The following TBX4 variants were observed in gnomAD, a reference collection of about 807,000 sequenced individuals.
TBX4 encodes the protein T-box transcription factor 4.
TBX4 carries 13 observed loss-of-function variants against 54.6 expected under a neutral mutation model. The observed-to-expected ratio is 0.24, with a 90% CI of 0.15 to 0.38. The LOEUF (loss-of-function observed/expected upper bound fraction) is 0.38, where lower values mean the gene tolerates loss of function less well. Among genes scored for constraint, TBX4 ranks in the 10% least tolerant of loss-of-function variants. TBX4 has a pLI of 1.00. For synonymous variants in TBX4, 314 were observed against 306.7 expected (o/e 1.02, Z -0.25); for missense variants, 631 against 728.5 (o/e 0.87, Z 1.54).
At position 61,483,613 on chromosome 17, in the gene TBX4, A is replaced by AGAGT. The variant is rs1555883969; in HGVS notation, c.*98_*99insAGTG. On this transcript the variant is annotated 3_prime_UTR_variant, in exon 9 of 9. Transcript: ENST00000644296. This position sits in a 1 kb window ranked among gnomAD's most constrained non-coding sequence, Gnocchi z 6.6. Reference sequence around the variant, plus strand: ...ACCAAGAAACACAGGAAGGTATTCCAGTGTGTGTGTGTGTGTGTGTGTGTG... The same window carrying AGAGT: ...ACCAAGAAACACAGGAAGGTATTCCAGAGTGTGTGTGTGTGTGTGTGTGTGTGTG... 1.3e-5 allele frequency: 10 copies of AGAGT among 782,774 alleles called. No individual in the cohort carries two copies. Among genetic ancestry groups the AGAGT allele is most frequent in the African/African-American group, 5.9e-5 (3 of 50,860 alleles). The allele number at this position is 782,774 out of a possible 1,614,324, so 48.5% of individuals were successfully genotyped here. A position where few individuals can be genotyped will look rare whatever the true frequency, so the allele number is the denominator to read the frequency against.
chr17:61,456,481 C>T lies in TBX4; in HGVS notation c.-3-7C>T, dbSNP rs753878539. The T allele has an allele frequency of 2.0e-5, 31 of 1,565,510 alleles. 1 individual carries two copies. In the Admixed American group the frequency reaches 2.1e-4, roughly 10 times the overall value. ...GGCGAGTGACTCGTTGTGTGCTGTGCCCGCAGGAGATGCTGCAGGATAAGG... is the reference window on the plus strand; with the variant it reads ...GGCGAGTGACTCGTTGTGTGCTGTGTCCGCAGGAGATGCTGCAGGATAAGG... On this transcript the variant is annotated splice_polypyrimidine_tract_variant and splice_region_variant and intron_variant, in intron 1 of 8. Coordinates refer to ENST00000644296, the MANE Select transcript of TBX4 (RefSeq NM_001321120.2).
intron 4 of TBX4, among the ~76,000 whole-genome samples, chr17:61,466,400 C>A (rs2060537943): frequency 6.6e-6 from 1 of 152,180 alleles, no homozygotes; most frequent in Non-Finnish European, 1.5e-5. Context: ...GCTTCAGGCC[C>A]CTCCAGCCAT....
At chr17:61,468,109 G>A (rs1294579640) in intron 5 of TBX4, among the ~76,000 whole-genome samples, 1 of 152,216 alleles carries the variant, frequency 6.6e-6, no homozygotes, top group East Asian at 1.9e-4. Flanking sequence ...TCGAGCGAGA[G>A]TCACGGATAT....
chr17:61,465,627 G>A lies in TBX4; in HGVS notation c.282-192G>A, dbSNP rs2060529977. ...TGCAGGGGCTCAGAGACAGCAGCCA[G>A]TGCCACCTTTTCACTGTGCAGCTCG... On this transcript the variant is annotated intron_variant, in intron 3 of 8. Transcript: ENST00000644296. The surrounding 1 kb of genome is among the most constrained non-coding windows in gnomAD (Gnocchi z 4.9). Among the ~76,000 whole-genome samples the A allele has an allele frequency of 6.6e-6, 1 of 152,218 alleles. No homozygotes were observed.
rs1010066337 is a variant in TBX4, at chr17:61,475,971, C to T, written c.550-2656C>T. Among the ~76,000 whole-genome samples, 22 of 152,012 alleles carry T rather than the reference C, an allele frequency of 1.4e-4. No homozygotes were observed. Among genetic ancestry groups the T allele is most frequent in the African/African-American group, 4.8e-4 (20 of 41,388 alleles). ...TAGAGATGATCTCGTCTTTAGTGAGCAAGCAAAGACCAGAGAGGAGGGGAC... is the reference window on the plus strand; with the variant it reads ...TAGAGATGATCTCGTCTTTAGTGAGTAAGCAAAGACCAGAGAGGAGGGGAC... On this transcript the variant is annotated intron_variant, in intron 5 of 8. Coordinates refer to ENST00000644296, the MANE Select transcript of TBX4 (RefSeq NM_001321120.2). The surrounding 1 kb of genome is among the most constrained non-coding windows in gnomAD (Gnocchi z 5.0).
Position 61,480,281 on chromosome 17 carries a change from G to A in TBX4, c.983G>A (p.Arg328Lys). Residue 328 changes from arginine (R) to lysine (K), a missense_variant, in exon 8 of 9, where the codon AGG becomes AAG. Arg to Lys is a conservative substitution (Grantham distance 26). Around this residue, in one of 3 missense-constraint regions of TBX4, gnomAD observed 354 missense variants for 368.9 expected, o/e 0.96. Transcript: ENST00000644296. This position sits in a 1 kb window ranked among gnomAD's most constrained non-coding sequence, Gnocchi z 6.2. Reference sequence around the variant, plus strand: ...CCCCTCAGCACCTTTCCCACCCAGAGGGACTCAAGCCTCTTCTATCACTGC... The same window carrying A: ...CCCCTCAGCACCTTTCCCACCCAGAAGGACTCAAGCCTCTTCTATCACTGC... Reference protein sequence around the residue: ...DLPLSTFPTQRDSSLFYHCLK... With the variant: ...DLPLSTFPTQKDSSLFYHCLK... 3 of 1,613,994 alleles carry A rather than the reference G, an allele frequency of 1.9e-6. No homozygotes were observed. The highest frequency in any genetic ancestry group is 3.3e-5 in the Admixed American group (2 of 59,994).
rs60535903 is a variant in TBX4 at position 61,483,652 on chromosome 17, G to GTA, written c.*139_*140dup. The GTA allele has an allele frequency of 2.0e-6, 2 of 1,024,336 alleles. No homozygotes were observed. The highest frequency in any genetic ancestry group is 2.7e-5 in the East Asian group (1 of 36,760). The allele number at this position is 1,024,336 out of a possible 1,614,324, so 63.5% of individuals were successfully genotyped here. On this transcript the variant is annotated 3_prime_UTR_variant, in exon 9 of 9. Coordinates refer to ENST00000644296, the MANE Select transcript of TBX4 (RefSeq NM_001321120.2). This position sits in a 1 kb window ranked among gnomAD's most constrained non-coding sequence, Gnocchi z 6.6. ...TGTGTGTGTGTGTGTGTGTGTGTGT[G>GTA]TATACACGAGCATGTATGTATTTGG...
chr17:61,484,819 T>G lies in TBX4; in HGVS notation c.*1303T>G, dbSNP rs1407887273. 6.7e-6 allele frequency: 1 copy of G among 148,450 alleles called. No individual in the cohort carries two copies. The highest frequency in any genetic ancestry group is 1.5e-5 in the Non-Finnish European group (1 of 67,258). The allele number at this position is 148,450 out of a possible 1,614,324, so 9.2% of individuals were successfully genotyped here. On this transcript the variant is annotated 3_prime_UTR_variant, in exon 9 of 9. Transcript: ENST00000644296. The surrounding 1 kb of genome is among the most constrained non-coding windows in gnomAD (Gnocchi z 4.1). ...GCCACATGTCAAATTCAGCTTTGCT[T>G]TCTACAAATGAATGAACTTAATAAA...
intron 1 of TBX4, among the ~76,000 whole-genome samples, chr17:61,454,427 CCG>C (rs2060432712): frequency 6.6e-6 from 1 of 152,260 alleles, no homozygotes; most frequent in Non-Finnish European, 1.5e-5. Flanking sequence ...CGAGAGCGGA[CCG>C]CTATGCGGTG....
intron 8 of TBX4, among the ~76,000 whole-genome samples, chr17:61,482,080 T>C (rs2060666829): frequency 6.6e-6 from 1 of 152,184 alleles, no homozygotes; most frequent in South Asian, 2.1e-4. Context: ...ATGAGTGTTC[T>C]TAAATTGGCT....
chr17:61,478,252 G>A lies in TBX4; in HGVS notation c.550-375G>A, dbSNP rs1018288744. 7 of 320,374 alleles carry A rather than the reference G, an allele frequency of 2.2e-5. No individual in the cohort carries two copies. The East Asian group carries it at 3.1e-4, about 14-fold the overall frequency. The allele number at this position is 320,374 out of a possible 1,614,324, so 19.8% of individuals were successfully genotyped here. ...CTTGTCTGAGATCAAACAGTGACTC[G>A]GTGGCACCCTGGACTTTTGCTGACA... is the stretch of plus-strand genomic sequence containing the variant. On this transcript the variant is annotated intron_variant, in intron 5 of 8. Coordinates refer to ENST00000644296, the MANE Select transcript of TBX4 (RefSeq NM_001321120.2). The surrounding 1 kb of genome is among the most constrained non-coding windows in gnomAD (Gnocchi z 7.4).
Position 61,460,574 on chromosome 17 carries a change from C to T in TBX4, c.281+2943C>T, listed in dbSNP as rs1457761020. On this transcript the variant is annotated intron_variant, in intron 3 of 8. Transcript: ENST00000644296. This position sits in a 1 kb window ranked among gnomAD's most constrained non-coding sequence, Gnocchi z 4.4. ...GTGTGAAATGGGGGCCACAGCCCTC[C>T]GCAGCCCGTCTCAGTCTCTTGGGTC... is the stretch of plus-strand genomic sequence containing the variant. 1.3e-5 allele frequency among the ~76,000 whole-genome samples: 2 copies of T among 152,114 alleles called. No individual in the cohort carries two copies. The highest frequency in any genetic ancestry group is 2.4e-5 in the African/African-American group (1 of 41,412).
In TBX4 at chr17:61,462,207, T is replaced by C. The variant is rs1034677913; in HGVS notation, c.282-3612T>C. On this transcript the variant is annotated intron_variant, in intron 3 of 8. Coordinates refer to ENST00000644296, the MANE Select transcript of TBX4 (RefSeq NM_001321120.2). The surrounding 1 kb of genome is among the most constrained non-coding windows in gnomAD (Gnocchi z 4.5). ...TTCTAAAGCCATTTCCGAGTATGAA[T>C]AGATAAAGGCTCCAGCTCCGCACCC... Among the ~76,000 whole-genome samples, 16 of 151,976 alleles carry C rather than the reference T, an allele frequency of 1.1e-4. No individual in the cohort carries two copies. The highest frequency in any genetic ancestry group is 1.2e-4 in the Non-Finnish European group (8 of 68,026).
Position 61,480,194 on chromosome 17 carries a change from C to G in TBX4, c.896C>G (p.Ala299Gly). The change falls in exon 8 of 9, where the codon GCA (alanine) becomes GGA (glycine). Residue 299 changes from alanine to glycine, a missense_variant. Around this residue, in one of 3 missense-constraint regions of TBX4, gnomAD observed 354 missense variants for 368.9 expected, o/e 0.96. Transcript: ENST00000644296. This position sits in a 1 kb window ranked among gnomAD's most constrained non-coding sequence, Gnocchi z 6.2. ...GGCCCCCTGCTCGGCACCCACCAGG[C>G]ACTCCAGCACTACCAGCACGAGAAC... Reference protein sequence around the residue: ...DVGPLLGTHQALQHYQHENGA... With the variant: ...DVGPLLGTHQGLQHYQHENGA... The G allele has an allele frequency of 6.2e-7, 1 of 1,614,188 alleles. No individual in the cohort carries two copies. Among genetic ancestry groups the G allele is most frequent in the South Asian group, 1.1e-5 (1 of 91,080 alleles).
In TBX4 at chr17:61,475,312, T is replaced by C. The variant is rs1231475335; in HGVS notation, c.550-3315T>C. Among the ~76,000 whole-genome samples the C allele has an allele frequency of 6.6e-6, 1 of 152,232 alleles. No individual in the cohort carries two copies. Among genetic ancestry groups the C allele is most frequent in the Non-Finnish European group, 1.5e-5 (1 of 68,036 alleles). ...TGGATTGTGTACATAAGGCATTTAC[T>C]GAGCCCCATATACTGGCAGCAGTGG... On this transcript the variant is annotated intron_variant, in intron 5 of 8. Coordinates refer to ENST00000644296, the MANE Select transcript of TBX4 (RefSeq NM_001321120.2). The surrounding 1 kb of genome is among the most constrained non-coding windows in gnomAD (Gnocchi z 5.0).
Position 61,480,929 on chromosome 17 carries a change from GCCAGGTCTTGATT to G in TBX4, c.1021+613_1021+625del, listed in dbSNP as rs1218551484. The stretch of plus-strand genomic sequence containing the variant: ...GGGCACCATCACATCTGTGCTCTGT[GCCAGGTCTTGATT>G]CCTCCATGGATAGAATTGCAATGAT... On this transcript the variant is annotated intron_variant, in intron 8 of 8. Coordinates refer to ENST00000644296, the MANE Select transcript of TBX4 (RefSeq NM_001321120.2). The surrounding 1 kb of genome is among the most constrained non-coding windows in gnomAD (Gnocchi z 6.2). Among the ~76,000 whole-genome samples, 1 of 152,204 alleles carries G rather than the reference GCCAGGTCTTGATT, an allele frequency of 6.6e-6. No individual in the cohort carries two copies. The highest frequency in any genetic ancestry group is 2.4e-5 in the African/African-American group (1 of 41,438).
In TBX4 at chr17:61,460,817, G is replaced by A. The variant is rs555915977; in HGVS notation, c.281+3186G>A. On this transcript the variant is annotated intron_variant, in intron 3 of 8. Coordinates refer to ENST00000644296, the MANE Select transcript of TBX4 (RefSeq NM_001321120.2). This position sits in a 1 kb window ranked among gnomAD's most constrained non-coding sequence, Gnocchi z 4.4. ...CTCCTAGGTCAGGGTTTTGCCACCAGATAAATCTCCACTATCAGCCTTCAT... is the reference window on the plus strand; with the variant it reads ...CTCCTAGGTCAGGGTTTTGCCACCAAATAAATCTCCACTATCAGCCTTCAT... 3.3e-5 allele frequency among the ~76,000 whole-genome samples: 5 copies of A among 152,236 alleles called. No homozygotes were observed. Among genetic ancestry groups the A allele is most frequent in the Admixed American group, 2.6e-4 (4 of 15,292 alleles).
At position 61,484,689 on chromosome 17, in the gene TBX4, C is replaced by T. The variant is rs952421379; in HGVS notation, c.*1173C>T. ...AGTGTGGCTGGGGTGAACTCTCCAT[C>T]AAACTTGGGAAATCACTAAACTCTT... On this transcript the variant is annotated 3_prime_UTR_variant, in exon 9 of 9. Transcript: ENST00000644296. The surrounding 1 kb of genome is among the most constrained non-coding windows in gnomAD (Gnocchi z 4.1). The T allele has an allele frequency of 7.9e-5, 12 of 151,564 alleles. No individual in the cohort carries two copies. The highest frequency in any genetic ancestry group is 1.6e-4 in the Non-Finnish European group (11 of 67,950). The allele number at this position is 151,564 out of a possible 1,614,324, so 9.4% of individuals were successfully genotyped here.
At position 61,478,758 on chromosome 17, in the gene TBX4, G is replaced by A. The variant is rs1298236240; in HGVS notation, c.681G>A (p.Val227=). ...HVFPETSFIS[V]TSYQNHKITQ... is the part of the protein sequence containing the mutation. ...TCCCAGAGACCTCCTTCATCTCTGT[G>A]ACCTCCTACCAGAATCACAAGGTAC... Residue 227 remains valine (V), a synonymous_variant, in exon 6 of 9, where the codon GTG becomes GTA. Transcript: ENST00000644296. This position sits in a 1 kb window ranked among gnomAD's most constrained non-coding sequence, Gnocchi z 7.4. The A allele has an allele frequency of 2.5e-6, 4 of 1,613,976 alleles. No homozygotes were observed. The African/African-American group carries it at 5.3e-5, about 22-fold the overall frequency.
Sources: gnomAD v4.1 joint callset for allele counts (sites outside exome capture counted in the v4.1 genomes callset) on GRCh38, gnomAD v4.1.1 for gene constraint, gnomAD v4.1.1 regional missense constraint, Gnocchi (gnomAD v3.1) non-coding constraint, MANE v1.5 for transcripts, NCBI Gene and HGNC (gene_info 2026-07-23, HGNC 2026-07-21) for gene names.